The following DNMT3A variants were observed in gnomAD, a reference collection of about 807,000 sequenced individuals.
The protein encoded by DNMT3A is DNA (cytosine-5)-methyltransferase 3A.
A neutral mutation model predicts 117.6 loss-of-function variants in DNMT3A; 267 were observed. That is an observed-to-expected ratio of 2.27 (90% CI 2.05 to 2.51). The LOEUF is 2.51. Among genes scored for constraint, DNMT3A ranks in the 30% most tolerant of loss-of-function variants. DNMT3A has a pLI of 0.00. For synonymous variants in DNMT3A, 432 were observed against 474.8 expected, an observed-to-expected ratio of 0.91 and a Z score of 1.17; for missense variants, 1,029 against 1,260.2, an observed-to-expected ratio of 0.82 and a Z score of 2.78.
At position 25,237,568 on chromosome 2, in the gene DNMT3A, G is replaced by A. The variant is rs1673507130; in HGVS notation, c.2409-563C>T. On this transcript the variant is annotated intron_variant, in intron 20 of 22. Transcript: ENST00000321117. This position sits in a 1 kb window ranked among gnomAD's most constrained non-coding sequence, Gnocchi z 5.4. ...GGGTCACCTGAGGTCAGGAGTTTGA[G>A]TCCATCCTGATCAACATGGTGAAAC... Among the ~76,000 whole-genome samples, 1 of 152,182 alleles carries A rather than the reference G, an allele frequency of 6.6e-6. No homozygotes were observed. Among genetic ancestry groups the A allele is most frequent in the Non-Finnish European group, 1.5e-5 (1 of 68,030 alleles).
In DNMT3A at chr2:25,246,267, AC is replaced by A. The variant is rs1440952501; in HGVS notation, c.1321del (p.Val441TrpfsTer210). ...PYKEVYTDMW[V>X]EPEAAAYAPP... is the part of the protein sequence containing the mutation. ...TGCGTAGGCAGCTGCCTCAGGTTCC[AC>A]CCACATGTCCGTGTACACTTCTTTG... On this transcript the variant is annotated frameshift_variant, in exon 11 of 23. Coordinates refer to ENST00000321117, the MANE Select transcript of DNMT3A (RefSeq NM_022552.5). LOFTEE classifies it high-confidence loss of function. The A allele has an allele frequency of 6.2e-7, 1 of 1,613,704 alleles. No individual in the cohort carries two copies. Among genetic ancestry groups the A allele is most frequent in the Non-Finnish European group, 8.5e-7 (1 of 1,179,862 alleles).
chr2:25,301,543 G>C (rs1234497309), intron 2 of DNMT3A, among the ~76,000 whole-genome samples: 1 of 152,100 alleles, frequency 6.6e-6, no homozygotes, highest in Non-Finnish European at 1.5e-5. Flanking sequence ...GTGCACGGCT[G>C]GGCCCTGACA....
chr2:25,255,570 AT>A (rs1485607829), intron 6 of DNMT3A, among the ~76,000 whole-genome samples: 2 of 152,178 alleles, frequency 1.3e-5, no homozygotes, highest in Non-Finnish European at 2.9e-5. Flanking sequence ...GACAACAGTG[AT>A]CCCATAGGCC....
chr2:25,312,965 G>GCA (rs2034198884), intron 2 of DNMT3A, among the ~76,000 whole-genome samples: 2 of 152,094 alleles, frequency 1.3e-5, no homozygotes, highest in African/African-American at 4.8e-5. Context: ...CGCTACTCAG[G>GCA]GGAAGGGGAG....
chr2:25,241,423 G>A, intron 17 of DNMT3A, 139 bp downstream of exon 17: 1 of 1,207,348 alleles, frequency 8.3e-7, no homozygotes, highest in Non-Finnish European at 1.1e-6. Flanking sequence ...ACAAATGGAA[G>A]ATAAGGAGAA....
At position 25,237,765 on chromosome 2, in the gene DNMT3A, CA is replaced by C. The variant is rs142057723; in HGVS notation, c.2409-761del. ...GGGCGACAGAGCAAGACTCTGTCTC[CA>C]AAAAAAAAAAAAACCAGACTTAAAT... On this transcript the variant is annotated intron_variant, in intron 20 of 22. Coordinates refer to ENST00000321117, the MANE Select transcript of DNMT3A (RefSeq NM_022552.5). The surrounding 1 kb of genome is among the most constrained non-coding windows in gnomAD (Gnocchi z 5.4). 0.017 allele frequency among the ~76,000 whole-genome samples: 1,886 copies of C among 110,190 alleles called. 10 individuals carry two copies. Among genetic ancestry groups the C allele is most frequent in the African/African-American group, 0.02 (594 of 29,722 alleles). 72.3% of individuals were successfully genotyped at this position (110,190 alleles called of 152,430 possible).
intron 6 of DNMT3A, among the ~76,000 whole-genome samples, chr2:25,253,460 C>G (rs1473863165): frequency 1.3e-5 from 2 of 152,148 alleles, no homozygotes; most frequent in African/African-American, 4.8e-5. Flanking sequence ...CCGACTGGGC[C>G]TGGAGGCTGG....
At chr2:25,243,191 G>A (rs1269526836) in intron 16 of DNMT3A, among the ~76,000 whole-genome samples, 2 of 151,968 alleles carry the variant, frequency 1.3e-5, no homozygotes, top group African/African-American at 4.8e-5. Flanking sequence ...TGCAGTCCCA[G>A]CTACTCGGGA....
intron 6 of DNMT3A, among the ~76,000 whole-genome samples, chr2:25,261,254 C>G (rs2149343758): frequency 6.6e-6 from 1 of 151,830 alleles, no homozygotes; most frequent in Middle Eastern, 3.4e-3. Flanking sequence ...GCCTGGCCAA[C>G]ATGGTGAAAC....
Position 25,247,050 on chromosome 2 carries a change from C to G in DNMT3A, c.1122+1G>C. 6.2e-7 allele frequency: 1 copy of G among 1,613,768 alleles called. No homozygotes were observed. Reference sequence around the variant, plus strand: ...TCCGAGCTCCCAGCAGGGACACTCACCTGCAGGACCTCGTAGATGGCTTTG... The same window carrying G: ...TCCGAGCTCCCAGCAGGGACACTCAGCTGCAGGACCTCGTAGATGGCTTTG... On this transcript the variant is annotated splice_donor_variant, in intron 9 of 22. Transcript: ENST00000321117. LOFTEE classifies it high-confidence loss of function. This position sits in a 1 kb window ranked among gnomAD's most constrained non-coding sequence, Gnocchi z 5.6.
At position 25,228,254 on chromosome 2, in the gene DNMT3A, A is replaced by G. The variant is rs1375270335; in HGVS notation, c.*6025T>C. The G allele has an allele frequency of 2.0e-5, 2 of 98,524 alleles. No individual in the cohort carries two copies. Among genetic ancestry groups the G allele is most frequent in the Non-Finnish European group, 4.4e-5 (2 of 45,828 alleles). The allele number at this position is 98,524 out of a possible 1,614,324, so 6.1% of individuals were successfully genotyped here. A position where few individuals can be genotyped will look rare whatever the true frequency, so the allele number is the denominator to read the frequency against. The stretch of plus-strand genomic sequence containing the variant: ...AAAAAAAAAAAAAAAAAAAAAAAAT[A>G]CAGTGGTGAAAGGATGCTGGAACCA... On this transcript the variant is annotated 3_prime_UTR_variant, in exon 23 of 23. Coordinates refer to ENST00000321117, the MANE Select transcript of DNMT3A (RefSeq NM_022552.5).
intron 3 of DNMT3A, among the ~76,000 whole-genome samples, chr2:25,291,263 G>A (rs929577628): frequency 3.9e-5 from 6 of 152,228 alleles, no homozygotes; most frequent in East Asian, 3.9e-4. Context: ...GCATGTCCAC[G>A]TAAGCAGGGC....
At position 25,314,103 on chromosome 2, in the gene DNMT3A, G is replaced by A. The variant is rs1305602603; in HGVS notation, c.-119C>T. 7.0e-7 allele frequency: 1 copy of A among 1,434,536 alleles called. No homozygotes were observed. The highest frequency in any genetic ancestry group is 1.5e-5 in the South Asian group (1 of 67,940). The allele number at this position is 1,434,536 out of a possible 1,614,324, so 88.9% of individuals were successfully genotyped here. ...AAACTTAAACATAGATCCCGGTGTT[G>A]AGCCCTCTGGTGAACGGTGCCTCTG... On this transcript the variant is annotated 5_prime_UTR_variant, in exon 2 of 23. Coordinates refer to ENST00000321117, the MANE Select transcript of DNMT3A (RefSeq NM_022552.5).
chr2:25,298,868 G>A lies in DNMT3A; in HGVS notation c.177+1271C>T, dbSNP rs2033249804. ...CCCTGCCCCCCGCCTCAAATCTTCA[G>A]GCAGAACTGGCAGGGGTGCATCTCA... is the stretch of plus-strand genomic sequence containing the variant. On this transcript the variant is annotated intron_variant, in intron 3 of 22. Transcript: ENST00000321117. This position sits in a 1 kb window ranked among gnomAD's most constrained non-coding sequence, Gnocchi z 4.3. Among the ~76,000 whole-genome samples the A allele has an allele frequency of 6.6e-6, 1 of 151,890 alleles. No homozygotes were observed. Among genetic ancestry groups the A allele is most frequent in the Non-Finnish European group, 1.5e-5 (1 of 67,960 alleles).
At position 25,252,160 on chromosome 2, in the gene DNMT3A, C is replaced by T; in HGVS notation, c.640-3908G>A. ...CCACCGGCCCTGCCGCCTCCCCGCC[C>T]CCGGTCTCCCCGGGGCTCCGTCCAG... On this transcript the variant is annotated intron_variant, in intron 6 of 22. Transcript: ENST00000321117. This position sits in a 1 kb window ranked among gnomAD's most constrained non-coding sequence, Gnocchi z 5.5. 1 of 1,555,588 alleles carries T rather than the reference C, an allele frequency of 6.4e-7. No individual in the cohort carries two copies. Among genetic ancestry groups the T allele is most frequent in the Non-Finnish European group, 8.7e-7 (1 of 1,151,466 alleles).
chr2:25,264,468 TG>T (rs1338808529), intron 6 of DNMT3A, among the ~76,000 whole-genome samples: 1 of 146,642 alleles, frequency 6.8e-6, no homozygotes, highest in African/African-American at 2.6e-5. Flanking sequence ...AAGAGTTTTT[TG>T]TTTTGTTTTT....
intron 6 of DNMT3A, 74 bp downstream of exon 6, chr2:25,274,867 G>A (rs573332497): frequency 6.5e-7 from 1 of 1,546,638 alleles, no homozygotes; most frequent in East Asian, 2.3e-5. Context: ...GCCTGAAGGG[G>A]AAACTGAGGC....
At chr2:25,297,294 C>A (rs1019695844) in intron 3 of DNMT3A, among the ~76,000 whole-genome samples, 1 of 152,168 alleles carries the variant, frequency 6.6e-6, no homozygotes, top group African/African-American at 2.4e-5. Context: ...CTCCTCCTCA[C>A]CCTGGGCCTC....
intron 6 of DNMT3A, among the ~76,000 whole-genome samples, chr2:25,266,138 T>G (rs1225385455): frequency 6.6e-6 from 1 of 152,202 alleles, no homozygotes; most frequent in Non-Finnish European, 1.5e-5. Context: ...TGTGGCAACT[T>G]TAGTAGCCTA....
Sources: gnomAD v4.1 joint callset for allele counts (sites outside exome capture counted in the v4.1 genomes callset) on GRCh38, gnomAD v4.1.1 for gene constraint, Gnocchi (gnomAD v3.1) non-coding constraint, MANE v1.5 for transcripts, NCBI Gene and HGNC (gene_info 2026-07-23, HGNC 2026-07-21) for gene names.